Variants in RRM1 observed in about 807,000 individuals in gnomAD.
RRM1 encodes the protein ribonucleotide reductase catalytic subunit M1, also known as ribonucleoside-diphosphate reductase large subunit.
A neutral mutation model predicts 101.5 loss-of-function variants in RRM1; 19 were observed. That is an observed-to-expected ratio of 0.19 (90% CI 0.13 to 0.27). RRM1 has a LOEUF of 0.27. Among genes scored for constraint, RRM1 ranks in the 10% least tolerant of loss-of-function variants. RRM1 has a pLI of 1.00. For missense variants in RRM1, 500 were observed against 962.9 expected, an observed-to-expected ratio of 0.52 and a Z score of 6.36; for synonymous variants, 298 against 323.4, an observed-to-expected ratio of 0.92 and a Z score of 0.84.
At chr11:4,114,151 G>T (rs1205854465) in intron 7 of RRM1, among the ~76,000 whole-genome samples, 1 of 150,760 alleles carries the variant, frequency 6.6e-6, no homozygotes, top group Non-Finnish European at 1.5e-5. Context: ...AGAAAGAAAA[G>T]ATAAAAAAAA....
chr11:4,132,287 T>C lies in RRM1; in HGVS notation c.1771T>C (p.Tyr591His), dbSNP rs2094601838. 1.9e-6 allele frequency: 3 copies of C among 1,614,116 alleles called. No individual in the cohort carries two copies. In the East Asian group the frequency reaches 6.7e-5, roughly 36 times the overall value. ...ACCTGATAATCTCCTTTTCTTTAGG[T>C]ATGGTATAAGAAACAGTTTACTTAT... ...WKVLKEKIAK[Y>H]GIRNSLLIAP... The change falls in exon 16 of 19, where the codon TAT becomes CAT. Residue 591 changes from tyrosine to histidine, a missense_variant and splice_region_variant. By Grantham distance (83) the Tyr-to-His change is moderately conservative. Transcript: ENST00000300738. The surrounding 1 kb of genome is among the most constrained non-coding windows in gnomAD (Gnocchi z 4.1).
At chr11:4,123,408 G>C in intron 12 of RRM1, 24 bp downstream of exon 12, 2 of 1,578,042 alleles carry the variant, frequency 1.3e-6, no homozygotes, top group Non-Finnish European at 1.7e-6. Context: ...ATTCTTCCTA[G>C]AGTACTAAGA....
At chr11:4,100,740 A>T (rs2094549823) in intron 1 of RRM1, among the ~76,000 whole-genome samples, 1 of 152,232 alleles carries the variant, frequency 6.6e-6, no homozygotes, top group African/African-American at 2.4e-5. Flanking sequence ...AAGTTGTTAC[A>T]ACAAAAGCAC....
At chr11:4,130,569 G>A (rs2094598397) in intron 15 of RRM1, among the ~76,000 whole-genome samples, 1 of 152,046 alleles carries the variant, frequency 6.6e-6, no homozygotes. Context: ...GGTGGTGCAT[G>A]CCTGTAATCC....
At chr11:4,105,089 T>C (rs1005386400) in intron 2 of RRM1, among the ~76,000 whole-genome samples, 5 of 152,218 alleles carry the variant, frequency 3.3e-5, no homozygotes, top group African/African-American at 1.2e-4. Context: ...ATTTAAAGGC[T>C]ATACTTAGAT....
chr11:4,118,423 G>T lies in RRM1; in HGVS notation c.754G>T (p.Val252Leu). ...SKSAGGIGVA[V>L]SCIRATGSYI... ...GTCTGCTGGAGGAATTGGTGTTGCT[G>T]TGAGTTGTATTCGGGCTACTGGCAG... Residue 252 changes from valine (V) to leucine (L), a missense_variant, in exon 8 of 19, where the codon GTG (valine) becomes TTG (leucine). Coordinates refer to ENST00000300738, the MANE Select transcript of RRM1 (RefSeq NM_001033.5). 1 of 1,614,100 alleles carries T rather than the reference G, an allele frequency of 6.2e-7. No homozygotes were observed. Among genetic ancestry groups the T allele is most frequent in the South Asian group, 1.1e-5 (1 of 91,072 alleles).
In RRM1 at chr11:4,094,911, C is replaced by G; in HGVS notation, c.-102C>G. ...TCCAGTTCTTTCCCCTGAGCAGCGCCTGGAACCTAACCCTTCCCACTCTGT... is the reference window on the plus strand; with the variant it reads ...TCCAGTTCTTTCCCCTGAGCAGCGCGTGGAACCTAACCCTTCCCACTCTGT... On this transcript the variant is annotated 5_prime_UTR_variant, in exon 1 of 19. Coordinates refer to ENST00000300738, the MANE Select transcript of RRM1 (RefSeq NM_001033.5). 7.8e-7 allele frequency: 1 copy of G among 1,281,930 alleles called. No individual in the cohort carries two copies. The highest frequency in any genetic ancestry group is 1.3e-5 in the South Asian group (1 of 78,566). 79.4% of individuals were successfully genotyped at this position (1,281,930 alleles called of 1,614,324 possible).
At chr11:4,109,543 G>C (rs1350598877) in intron 4 of RRM1, 101 bp from the exon 5 acceptor site, 1 of 774,150 alleles carries the variant, frequency 1.3e-6, no homozygotes, top group Admixed American at 2.5e-5. Flanking sequence ...ATTGTATCCT[G>C]TGTTGATTTT....
chr11:4,094,984 A>T lies in RRM1; in HGVS notation c.-29A>T. 1.3e-6 allele frequency: 2 copies of T among 1,557,700 alleles called. No homozygotes were observed. Among genetic ancestry groups the T allele is most frequent in the Non-Finnish European group, 1.7e-6 (2 of 1,150,582 alleles). On this transcript the variant is annotated 5_prime_UTR_variant, in exon 1 of 19. Coordinates refer to ENST00000300738, the MANE Select transcript of RRM1 (RefSeq NM_001033.5). ...CTTTAGAGCCGCAGTCCAGTCTTGGATCCTTCAGAGCCTCAGCCACTAGCT... is the reference window on the plus strand; with the variant it reads ...CTTTAGAGCCGCAGTCCAGTCTTGGTTCCTTCAGAGCCTCAGCCACTAGCT...
At chr11:4,094,692 G>A (rs2094540230), upstream of RRM1, 1 of 489,074 alleles carries the variant, frequency 2.0e-6, no homozygotes, top group Non-Finnish European at 3.7e-6. Flanking sequence ...AGTCTTCTGG[G>A]TCTTGCCCAG....
chr11:4,126,936 G>A, intron 13 of RRM1, 99 bp from the exon 14 acceptor site: 1 of 1,429,066 alleles, frequency 7.0e-7, no homozygotes, highest in Non-Finnish European at 9.6e-7. Context: ...CAATAAAATG[G>A]TTTGAGAAAA....
chr11:4,114,892 T>C (rs917356505), intron 7 of RRM1, among the ~76,000 whole-genome samples: 1 of 152,218 alleles, frequency 6.6e-6, no homozygotes, highest in Admixed American at 6.5e-5. Context: ...TTTGTATTTT[T>C]AATACAGACG....
At chr11:4,136,938 C>T (rs1413037172) in intron 18 of RRM1, among the ~76,000 whole-genome samples, 1 of 151,526 alleles carries the variant, frequency 6.6e-6, no homozygotes, top group Non-Finnish European at 1.5e-5. Flanking sequence ...GTTTGTGTCC[C>T]TGGGTACTTG....
chr11:4,123,311 A>G lies in RRM1; in HGVS notation c.1247A>G (p.Asn416Ser). 6.2e-7 allele frequency: 1 copy of G among 1,614,196 alleles called. No individual in the cohort carries two copies. Among genetic ancestry groups the G allele is most frequent in the Non-Finnish European group, 8.5e-7 (1 of 1,180,014 alleles). Residue 416 changes from asparagine to serine, a missense_variant, in exon 12 of 19, where the codon AAC becomes AGC. Physicochemically the swap from Asn to Ser is conservative, Grantham distance 46. Coordinates refer to ENST00000300738, the MANE Select transcript of RRM1 (RefSeq NM_001033.5). The stretch of plus-strand genomic sequence containing the variant: ...AAAGATTCCTGTAATCGAAAGAGCA[A>G]CCAGCAGAACCTGGGAACCATCAAA... The part of the protein sequence containing the change: ...LYKDSCNRKS[N>S]QQNLGTIKCS...
In RRM1 at chr11:4,109,694, C is replaced by A; in HGVS notation, c.438C>A (p.Phe146Leu). ...IYDRDFSYNY[F>L]GFKTLERSYL... Reference sequence around the variant, plus strand: ...ACCGAGATTTCTCTTACAATTACTTCGGCTTTAAGGTAAATAATGGGTTTC... The same window carrying A: ...ACCGAGATTTCTCTTACAATTACTTAGGCTTTAAGGTAAATAATGGGTTTC... Residue 146 changes from phenylalanine to leucine, a missense_variant, in exon 5 of 19, where the codon TTC (phenylalanine) becomes TTA (leucine). Phe to Leu is a conservative substitution (Grantham distance 22, BLOSUM62 0). This residue lies in a region of RRM1 where 111 missense variants were observed against 219.8 expected (regional missense o/e 0.51). Transcript: ENST00000300738. The A allele has an allele frequency of 3.1e-6, 5 of 1,604,736 alleles. No individual in the cohort carries two copies. Among genetic ancestry groups the A allele is most frequent in the Non-Finnish European group, 1.7e-6 (2 of 1,174,432 alleles).
Position 4,118,479 on chromosome 11 carries a change from G to A in RRM1, c.792+18G>A. The A allele has an allele frequency of 6.2e-7, 1 of 1,613,394 alleles. No homozygotes were observed. Among genetic ancestry groups the A allele is most frequent in the Non-Finnish European group, 8.5e-7 (1 of 1,179,652 alleles). On this transcript the variant is annotated intron_variant, in intron 8 of 18. Transcript: ENST00000300738. ...TTGCTGGGGTAGGTTTCTGCCATTTGACTTTTAAAGGGGGATTCAAGTCTA... is the reference window on the plus strand; with the variant it reads ...TTGCTGGGGTAGGTTTCTGCCATTTAACTTTTAAAGGGGGATTCAAGTCTA...
At chr11:4,095,099 G>GGC in intron 1 of RRM1, 68 bp downstream of exon 1, 3 of 1,507,372 alleles carry the variant, frequency 2.0e-6, no homozygotes, top group Non-Finnish European at 2.7e-6. Context: ...CGGAGCTGAT[G>GGC]CCCAGACCGC....
intron 4 of RRM1, 46 bp downstream of exon 4, chr11:4,107,581 T>C: frequency 8.5e-7 from 1 of 1,179,568 alleles, no homozygotes; most frequent in Non-Finnish European, 1.3e-6. Flanking sequence ...GAGTCTTTTT[T>C]AATAATGCAC....
chr11:4,111,840 C>T lies in RRM1; in HGVS notation c.488-60C>T, dbSNP rs72555778. 223 of 1,479,640 alleles carry T rather than the reference C, an allele frequency of 1.5e-4. 1 individual carries two copies. In the East Asian group the frequency reaches 3.5e-3, roughly 23 times the overall value. The allele number at this position is 1,479,640 out of a possible 1,614,324, so 91.7% of individuals were successfully genotyped here. A position where few individuals can be genotyped will look rare whatever the true frequency, so the allele number is the denominator to read the frequency against. ...GGTGTCCTTTTCTGAAATTCAAATACGTATCTCAACCTACTTTTTCTGACG... is the reference window on the plus strand; with the variant it reads ...GGTGTCCTTTTCTGAAATTCAAATATGTATCTCAACCTACTTTTTCTGACG... On this transcript the variant is annotated intron_variant, in intron 6 of 18. Transcript: ENST00000300738.
Sources: allele counts gnomAD v4.1 joint callset (sites outside exome capture counted in the v4.1 genomes callset), GRCh38; gene constraint gnomAD v4.1.1; regional missense constraint gnomAD v4.1.1; non-coding constraint Gnocchi (gnomAD v3.1); transcripts MANE v1.5; gene names NCBI Gene and HGNC (gene_info 2026-07-23, HGNC 2026-07-21).